The following DAB1 variants were observed in gnomAD, a reference collection of about 807,000 sequenced individuals.
DAB1 encodes the protein disabled homolog 1.
In DAB1, 15 loss-of-function variants were observed where a neutral mutation model predicts 64.6. The ratio of observed to expected loss-of-function variants is 0.23; its 90% CI spans 0.16 to 0.36. DAB1 has a LOEUF of 0.36. Ranked by LOEUF, DAB1 falls within the 10% of genes least tolerant of loss-of-function variation. DAB1 has a pLI of 1.00. For synonymous variants in DAB1, 235 were observed against 251.9 expected, an observed-to-expected ratio of 0.93 and a Z score of 0.64; for missense variants, 596 against 706.7, an observed-to-expected ratio of 0.84 and a Z score of 1.78.
At chr1:57,545,035 C>T (rs1644841513) in intron 7 of DAB1, among the ~76,000 whole-genome samples, 1 of 152,226 alleles carries the variant, frequency 6.6e-6, no homozygotes, top group African/African-American at 2.4e-5. Flanking sequence ...CAAATCACCT[C>T]CCATGGCCCA....
chr1:57,334,673 G>A (rs887593564), intron 1 of DAB1, among the ~76,000 whole-genome samples: 6 of 152,222 alleles, frequency 3.9e-5, no homozygotes, highest in East Asian at 1.9e-4. Context: ...CTTTCCATAC[G>A]ATAAGCATTG....
At chr1:57,379,126 T>C (rs912811545) in intron 1 of DAB1, among the ~76,000 whole-genome samples, 4 of 152,020 alleles carry the variant, frequency 2.6e-5, no homozygotes, top group African/African-American at 9.7e-5. Flanking sequence ...TCCTAAAGAT[T>C]AGAAAGAAGC....
chr1:57,984,190 AAGAAAGAAAG>A (rs1646140671), intron 5 of DAB1, among the ~76,000 whole-genome samples: 6 of 50,910 alleles, frequency 1.2e-4, no homozygotes, highest in South Asian at 5.7e-4. Context: ...AAAAAAAAGA[AAGAAAGAAAG>A]AAAGAAAGAA....
At chr1:57,170,479 C>T (rs1000609374) in intron 2 of DAB1, among the ~76,000 whole-genome samples, 1 of 152,126 alleles carries the variant, frequency 6.6e-6, no homozygotes, top group Non-Finnish European at 1.5e-5. Context: ...CACACAAGGG[C>T]AAGGCATATT....
At chr1:57,252,944 C>A (rs1171799784) in intron 2 of DAB1, among the ~76,000 whole-genome samples, 1 of 152,154 alleles carries the variant, frequency 6.6e-6, no homozygotes, top group East Asian at 1.9e-4. Context: ...GATGAATGGG[C>A]TAAATCAAGT....
At chr1:57,717,742 A>G (rs1647100925) in intron 6 of DAB1, among the ~76,000 whole-genome samples, 2 of 152,148 alleles carry the variant, frequency 1.3e-5, no homozygotes, top group Admixed American at 1.3e-4. Flanking sequence ...GTATACATAT[A>G]TGTGTATATA....
intron 3 of DAB1, among the ~76,000 whole-genome samples, chr1:58,377,218 C>T (rs1644336660): frequency 6.7e-6 from 1 of 150,046 alleles, no homozygotes; most frequent in Admixed American, 6.6e-5. Flanking sequence ...TTGATCCTGT[C>T]ATTATGATGT....
At chr1:57,380,959 T>G (rs940134705) in intron 1 of DAB1, among the ~76,000 whole-genome samples, 3 of 152,156 alleles carry the variant, frequency 2.0e-5, no homozygotes, top group African/African-American at 7.2e-5. Context: ...CTATATCTCC[T>G]CCAAGCTTAT....
At chr1:57,225,197 A>G (rs1667170661) in intron 2 of DAB1, among the ~76,000 whole-genome samples, 1 of 152,162 alleles carries the variant, frequency 6.6e-6, no homozygotes, top group African/African-American at 2.4e-5. Context: ...TACAATCAGA[A>G]TGGGGTCATG....
At chr1:57,239,784 A>G (rs59297109) in intron 2 of DAB1, among the ~76,000 whole-genome samples, 2,069 of 152,320 alleles carry the variant, frequency 0.014, 49 homozygotes, top group African/African-American at 0.048. Flanking sequence ...TGCACTTCCC[A>G]GATAAATTCT....
chr1:58,378,022 C>T (rs1644346517), intron 3 of DAB1, among the ~76,000 whole-genome samples: 1 of 140,962 alleles, frequency 7.1e-6, no homozygotes, highest in East Asian at 2.0e-4. Flanking sequence ...CCTTGGTTTT[C>T]AGCTCCATCA....
At chr1:58,045,315 G>T (rs1278287219) in intron 5 of DAB1, among the ~76,000 whole-genome samples, 1 of 152,142 alleles carries the variant, frequency 6.6e-6, no homozygotes, top group East Asian at 1.9e-4. Flanking sequence ...ACTCATTACT[G>T]CCATACCGAG....
intron 2 of DAB1, among the ~76,000 whole-genome samples, chr1:57,238,059 G>A (rs1668222698): frequency 6.6e-6 from 1 of 152,142 alleles, no homozygotes; most frequent in African/African-American, 2.4e-5. Context: ...GTTAGCCTTG[G>A]CTCTGTGGTC....
intron 7 of DAB1, among the ~76,000 whole-genome samples, chr1:57,602,539 G>A (rs574426945): frequency 1.3e-5 from 2 of 152,296 alleles, no homozygotes; most frequent in South Asian, 4.1e-4. Context: ...AGTATGTTAG[G>A]ATTGCATAGC....
intron 5 of DAB1, among the ~76,000 whole-genome samples, chr1:58,089,715 A>G (rs1332297064): frequency 6.6e-6 from 1 of 152,200 alleles, no homozygotes; most frequent in African/African-American, 2.4e-5. Context: ...TAAACCTCTT[A>G]GTATTTATGA....
At chr1:58,258,408 G>GA (rs1660981132) in intron 4 of DAB1, among the ~76,000 whole-genome samples, 3 of 152,328 alleles carry the variant, frequency 2.0e-5, no homozygotes, top group South Asian at 4.1e-4. Flanking sequence ...GAGCTTCCTG[G>GA]AAAAATGAAC....
intron 6 of DAB1, among the ~76,000 whole-genome samples, chr1:57,651,500 T>C (rs544657105): frequency 3.1e-4 from 47 of 152,348 alleles, no homozygotes; most frequent in Non-Finnish European, 6.2e-4. Context: ...AGGATATTAA[T>C]ATACAGTTAT....
intron 5 of DAB1, among the ~76,000 whole-genome samples, chr1:57,933,424 C>T (rs954100119): frequency 7.0e-6 from 1 of 142,436 alleles, no homozygotes; most frequent in African/African-American, 3.0e-5. Flanking sequence ...CCAGAAGTCT[C>T]CTTTTTTTTT....
At chr1:57,883,415 T>C (rs934955669) in intron 1 of DAB1, among the ~76,000 whole-genome samples, 1 of 152,168 alleles carries the variant, frequency 6.6e-6, no homozygotes, top group Non-Finnish European at 1.5e-5. Context: ...CAGACTGCAT[T>C]GTATTCTTAA....
Sources: allele counts gnomAD v4.1 joint callset (sites outside exome capture counted in the v4.1 genomes callset), GRCh38; gene constraint gnomAD v4.1.1; transcripts MANE v1.5; gene names NCBI Gene and HGNC (gene_info 2026-07-23, HGNC 2026-07-21).